MAGI2: variants seen among roughly 807,000 people sequenced by gnomAD.
The protein encoded by MAGI2 is membrane associated guanylate kinase, WW and PDZ domain containing 2, also known as membrane-associated guanylate kinase, WW and PDZ domain-containing protein 2.
MAGI2 carries 35 observed loss-of-function variants against 133.3 expected under a neutral mutation model. That is an observed-to-expected ratio of 0.26 (90% CI 0.20 to 0.35). The LOEUF is 0.35. Ranked by LOEUF, MAGI2 falls within the 10% of genes least tolerant of loss-of-function variation. MAGI2 has a pLI of 1.00. For synonymous variants in MAGI2, 729 were observed against 710.6 expected, an observed-to-expected ratio of 1.03 and a Z score of -0.41; for missense variants, 1,636 against 1,863.4, an observed-to-expected ratio of 0.88 and a Z score of 2.25.
chr7:79,394,438 G>T (rs950018209), intron 1 of MAGI2, among the ~76,000 whole-genome samples: 3 of 152,170 alleles, frequency 2.0e-5, no homozygotes, highest in African/African-American at 4.8e-5. Context: ...TCATATCCAG[G>T]TGGGATGTCC....
At chr7:78,474,419 A>G (rs1791536681) in intron 6 of MAGI2, among the ~76,000 whole-genome samples, 1 of 152,062 alleles carries the variant, frequency 6.6e-6, no homozygotes, top group Non-Finnish European at 1.5e-5. Context: ...AGGTAATTTC[A>G]AAACCATGCT....
chr7:79,136,004 A>AAAGAAG (rs1167684250), intron 1 of MAGI2, among the ~76,000 whole-genome samples: 2 of 10,926 alleles, frequency 1.8e-4, no homozygotes. Flanking sequence ...AGAAAGAAAG[A>AAAGAAG]GAAAGAAAGA....
chr7:78,157,960 T>C (rs1404241847), intron 16 of MAGI2, among the ~76,000 whole-genome samples: 3 of 152,242 alleles, frequency 2.0e-5, no homozygotes, highest in Non-Finnish European at 4.4e-5. Flanking sequence ...TTCTGTAGTT[T>C]TCACTCCTGA....
At chr7:79,117,271 T>C (rs1819487926) in intron 1 of MAGI2, among the ~76,000 whole-genome samples, 1 of 152,290 alleles carries the variant, frequency 6.6e-6, no homozygotes, top group Admixed American at 6.5e-5. Context: ...TTTGCTGCAA[T>C]ATTTTAACAT....
At chr7:78,559,136 C>CAAAAAAAAAAAAA (rs71085541) in intron 3 of MAGI2, among the ~76,000 whole-genome samples, 13 of 54,746 alleles carry the variant, frequency 2.4e-4, no homozygotes, top group East Asian at 6.4e-4. Flanking sequence ...TCTGAATTTC[C>CAAAAAAAAAAAAA]AAAAAAAAAA....
chr7:79,291,731 A>G (rs1836503762), intron 1 of MAGI2, among the ~76,000 whole-genome samples: 1 of 152,192 alleles, frequency 6.6e-6, no homozygotes. Context: ...ATGACTATTC[A>G]GGCCAATTTA....
chr7:79,142,604 A>G (rs973014645), intron 1 of MAGI2, among the ~76,000 whole-genome samples: 14 of 152,196 alleles, frequency 9.2e-5, no homozygotes, highest in African/African-American at 3.4e-4. Flanking sequence ...TGACAATTAC[A>G]TATTGTAATG....
At chr7:78,738,834 A>C (rs563852842) in intron 2 of MAGI2, among the ~76,000 whole-genome samples, 1 of 152,326 alleles carries the variant, frequency 6.6e-6, no homozygotes, top group Non-Finnish European at 1.5e-5. Context: ...AGGGTGAAGA[A>C]ATCTGTAGCA....
chr7:78,467,678 T>TA (rs1302559975), intron 6 of MAGI2, among the ~76,000 whole-genome samples: 1 of 152,032 alleles, frequency 6.6e-6, no homozygotes, highest in Non-Finnish European at 1.5e-5. Context: ...AGTACTAAGA[T>TA]AACTGAGCTG....
chr7:79,185,730 T>C (rs1164824277), intron 1 of MAGI2, among the ~76,000 whole-genome samples: 2 of 151,740 alleles, frequency 1.3e-5, no homozygotes, highest in Non-Finnish European at 1.5e-5. Context: ...TGAAACATGC[T>C]CAAGGACAGG....
chr7:78,666,315 T>C (rs1813578382), intron 2 of MAGI2, among the ~76,000 whole-genome samples: 1 of 152,094 alleles, frequency 6.6e-6, no homozygotes, highest in Non-Finnish European at 1.5e-5. Context: ...AATATCTTAA[T>C]GAGGGAAGAG....
chr7:79,144,174 G>A (rs1449991880), intron 1 of MAGI2, among the ~76,000 whole-genome samples: 1 of 152,164 alleles, frequency 6.6e-6, no homozygotes, highest in African/African-American at 2.4e-5. Flanking sequence ...AGGCACATAA[G>A]AGGCATCATG....
chr7:78,357,049 A>G (rs557705015), intron 7 of MAGI2, among the ~76,000 whole-genome samples: 5 of 152,352 alleles, frequency 3.3e-5, no homozygotes, highest in South Asian at 2.1e-4. Context: ...CAAACAAGAT[A>G]AAATATAGAA....
intron 1 of MAGI2, among the ~76,000 whole-genome samples, chr7:79,053,632 A>G (rs1812879832): frequency 6.6e-6 from 1 of 152,230 alleles, no homozygotes; most frequent in Non-Finnish European, 1.5e-5. Flanking sequence ...GCTTAATATT[A>G]TAAGCTCCCA....
chr7:78,430,161 G>A (rs1261785828), intron 6 of MAGI2, among the ~76,000 whole-genome samples: 1 of 150,964 alleles, frequency 6.6e-6, no homozygotes, highest in Non-Finnish European at 1.5e-5. Context: ...CAAGTTCTCA[G>A]GTGATTCTGG....
intron 3 of MAGI2, among the ~76,000 whole-genome samples, chr7:78,535,741 A>C (rs934889907): frequency 1.3e-5 from 2 of 152,262 alleles, no homozygotes; most frequent in Admixed American, 6.5e-5. Context: ...CCACAAAATT[A>C]ACAATTATGG....
chr7:78,303,618 TTA>T (rs2151079015), intron 9 of MAGI2, among the ~76,000 whole-genome samples: 1 of 152,276 alleles, frequency 6.6e-6, no homozygotes, highest in East Asian at 1.9e-4. Context: ...CCTATTACCT[TTA>T]GTCTTCGTTC....
At chr7:78,734,176 T>C (rs996458902) in intron 2 of MAGI2, among the ~76,000 whole-genome samples, 1 of 152,234 alleles carries the variant, frequency 6.6e-6, no homozygotes, top group Admixed American at 6.5e-5. Context: ...GATTTTTCTC[T>C]ATTTCTCTCA....
At chr7:78,896,538 T>A (rs1230897913) in intron 2 of MAGI2, among the ~76,000 whole-genome samples, 3 of 147,970 alleles carry the variant, frequency 2.0e-5, no homozygotes, top group Non-Finnish European at 3.0e-5. Context: ...TATATATATA[T>A]AATATAATAT....
Sources: allele counts gnomAD v4.1 joint callset (sites outside exome capture counted in the v4.1 genomes callset), GRCh38; gene constraint gnomAD v4.1.1; transcripts MANE v1.5; gene names NCBI Gene and HGNC (gene_info 2026-07-23, HGNC 2026-07-21).